The following PRRC2C variants were observed in gnomAD, a reference collection of about 807,000 sequenced individuals.
The protein encoded by PRRC2C is proline rich coiled-coil 2C.
Under a neutral mutation model 317.2 loss-of-function variants are expected in PRRC2C, and 72 were observed. The ratio of observed to expected loss-of-function variants is 0.23; its 90% CI spans 0.19 to 0.28. The LOEUF (loss-of-function observed/expected upper bound fraction) is 0.28. PRRC2C is among the 10% of genes least tolerant of loss of function. The probability of loss-of-function intolerance (pLI) is 1.00; values close to 1 mark genes in which losing one functional copy is unlikely to be tolerated. For synonymous variants in PRRC2C, 1,296 were observed against 1,205.9 expected (o/e 1.07, Z -1.55); for missense variants, 3,074 against 3,459.7 (o/e 0.89, Z 2.80).
chr1:171,489,709 A>C (rs1024240226), intron 1 of PRRC2C, among the ~76,000 whole-genome samples: 1 of 152,216 alleles, frequency 6.6e-6, no homozygotes, highest in Admixed American at 6.5e-5. Flanking sequence ...TAATTTGCTC[A>C]AAGTTACTTA....
At chr1:171,575,848 G>A (rs970771168) in intron 25 of PRRC2C, among the ~76,000 whole-genome samples, 2 of 152,082 alleles carry the variant, frequency 1.3e-5, no homozygotes, top group African/African-American at 4.8e-5. Context: ...AGCTTTCTCA[G>A]TATTATCTGC....
chr1:171,509,106 C>T (rs188286349), intron 1 of PRRC2C, among the ~76,000 whole-genome samples: 13 of 152,110 alleles, frequency 8.5e-5, no homozygotes, highest in African/African-American at 2.2e-4. Context: ...AGGATGGTCT[C>T]GATCTCCTGA....
At chr1:171,542,916 A>G (rs1678232428) in intron 16 of PRRC2C, among the ~76,000 whole-genome samples, 1 of 151,728 alleles carries the variant, frequency 6.6e-6, no homozygotes, top group African/African-American at 2.4e-5. Context: ...GCCCACCACC[A>G]TGCCTGGTTA....
At chr1:171,575,675 G>T (rs1307477479) in intron 25 of PRRC2C, among the ~76,000 whole-genome samples, 2 of 152,002 alleles carry the variant, frequency 1.3e-5, no homozygotes, top group Non-Finnish European at 2.9e-5. Flanking sequence ...ATTTTTACTA[G>T]TGTGTAATCT....
intron 3 of PRRC2C, among the ~76,000 whole-genome samples, chr1:171,514,009 A>G (rs1671857199): frequency 6.6e-6 from 1 of 152,212 alleles, no homozygotes; most frequent in East Asian, 1.9e-4. Flanking sequence ...ATTGAATAAA[A>G]CTGTACACCC....
At chr1:171,502,238 G>C (rs887451356) in intron 1 of PRRC2C, among the ~76,000 whole-genome samples, 7 of 152,342 alleles carry the variant, frequency 4.6e-5, no homozygotes, top group Admixed American at 4.6e-4. Flanking sequence ...AAATTGGTTT[G>C]CTTTTCAGTG....
At chr1:171,530,421 T>C (rs1273262971) in intron 11 of PRRC2C, among the ~76,000 whole-genome samples, 2 of 151,882 alleles carry the variant, frequency 1.3e-5, no homozygotes, top group East Asian at 3.9e-4. Context: ...TTTTTTTGTA[T>C]TTTTTGTAGA....
In PRRC2C at chr1:171,521,479, G is replaced by GT; in HGVS notation, c.751-697dup. On this transcript the variant is annotated intron_variant, in intron 6 of 34. Coordinates refer to ENST00000647382, the MANE Select transcript of PRRC2C (RefSeq NM_001387844.1). ...ACAGTTTATAATGATCATCTGTGCA[G>GT]TAACTTGATTGAGAATTCACCTATG... 3.9e-5 allele frequency among the ~76,000 whole-genome samples: 6 copies of GT among 152,308 alleles called. No homozygotes were observed. In the East Asian group the frequency reaches 1.2e-3, roughly 29 times the overall value.
rs200606626 is a variant in PRRC2C, at chr1:171,510,749, A to T, written c.-57-1283A>T. On this transcript the variant is annotated intron_variant, in intron 1 of 34. Transcript: ENST00000647382. ...TTGTAAACGTATACGTGAAAAGCGAAATGGTTATCTACACTGTTATGTGGG... is the reference window on the plus strand; with the variant it reads ...TTGTAAACGTATACGTGAAAAGCGATATGGTTATCTACACTGTTATGTGGG... 1.2e-4 allele frequency: 19 copies of T among 152,128 alleles called. No homozygotes were observed. In the East Asian group the frequency reaches 2.9e-3, roughly 23 times the overall value. 9.4% of individuals were successfully genotyped at this position (152,128 alleles called of 1,614,324 possible). A position where few individuals can be genotyped will look rare whatever the true frequency, so the allele number is the denominator to read the frequency against.
intron 11 of PRRC2C, among the ~76,000 whole-genome samples, chr1:171,529,885 C>G (rs1389374769): frequency 6.6e-6 from 1 of 152,166 alleles, no homozygotes; most frequent in Non-Finnish European, 1.5e-5. Flanking sequence ...TTCCTGAAAT[C>G]GTTGTTATGA....
At chr1:171,566,504 A>C (rs1683695579) in intron 21 of PRRC2C, 83 bp downstream of exon 21, 8 of 1,478,440 alleles carry the variant, frequency 5.4e-6, no homozygotes, top group Non-Finnish European at 7.2e-6. Flanking sequence ...AGTGAACTTA[A>C]TTTTAATGAA....
chr1:171,539,259 C>T (rs1228419497), intron 15 of PRRC2C, among the ~76,000 whole-genome samples: 2 of 152,206 alleles, frequency 1.3e-5, no homozygotes, highest in Non-Finnish European at 2.9e-5. Context: ...CCTCGGCCTC[C>T]CAAAGTGAGG....
rs960424139 is a variant in PRRC2C, at chr1:171,535,449, G to C, written c.1895G>C (p.Arg632Thr). 2 of 1,613,708 alleles carry C rather than the reference G, an allele frequency of 1.2e-6. No homozygotes were observed. The highest frequency in any genetic ancestry group is 1.7e-6 in the Non-Finnish European group (2 of 1,179,788). ...CNKEEEPVFT[R>T]QDSNRSEKEA... ...GCAGAGGAGGAACCCGTTTTCACTA[G>C]ACAAGACAGCAATCGCAGTGAAAAG... The change falls in exon 13 of 35, where the codon AGA becomes ACA. Residue 632 changes from arginine (R) to threonine (T), a missense_variant. By Grantham distance (71) the Arg-to-Thr change is moderately conservative. Transcript: ENST00000647382.
chr1:171,518,444 T>TA (rs1672800007), intron 6 of PRRC2C, among the ~76,000 whole-genome samples: 1 of 151,912 alleles, frequency 6.6e-6, no homozygotes, highest in Admixed American at 6.6e-5. Context: ...TCAAAGTTTT[T>TA]ATTTGTGTAC....
intron 1 of PRRC2C, among the ~76,000 whole-genome samples, chr1:171,491,831 A>T (rs1174037805): frequency 1.3e-5 from 2 of 152,202 alleles, no homozygotes; most frequent in Non-Finnish European, 2.9e-5. Context: ...ATCTTACCCA[A>T]AAACTTTGTA....
chr1:171,505,027 T>A (rs930438563), intron 1 of PRRC2C, among the ~76,000 whole-genome samples: 145 of 85,150 alleles, frequency 1.7e-3, no homozygotes, highest in African/African-American at 4.5e-3. Context: ...AGTATTTCAA[T>A]TTTTTTTTTT....
At position 171,494,177 on chromosome 1, in the gene PRRC2C, T is replaced by C. The variant is rs202069900; in HGVS notation, c.-58+8442T>C. On this transcript the variant is annotated intron_variant, in intron 1 of 34. Transcript: ENST00000647382. Reference sequence around the variant, plus strand: ...TTAAGTAATCGGTAGACAGAACAGCTGTACTTTTTAAGGACAGCAGTTTTT... The same window carrying C: ...TTAAGTAATCGGTAGACAGAACAGCCGTACTTTTTAAGGACAGCAGTTTTT... Among the ~76,000 whole-genome samples the C allele has an allele frequency of 3.3e-5, 5 of 152,220 alleles. No individual in the cohort carries two copies. The East Asian group carries it at 9.6e-4, about 29-fold the overall frequency.
chr1:171,541,573 A>G lies in PRRC2C; in HGVS notation c.4107A>G (p.Arg1369=), dbSNP rs1395569836. The G allele has an allele frequency of 3.1e-6, 5 of 1,613,840 alleles. No individual in the cohort carries two copies. The highest frequency in any genetic ancestry group is 3.4e-6 in the Non-Finnish European group (4 of 1,179,866). ...CATCACGCCCTTCCACTTTACGAAG[A>G]CCAGCTTATCGGGACAATCAGTGGA... ...GRPSRPSTLR[R]PAYRDNQWNP... Residue 1369 remains arginine, a synonymous_variant, in exon 16 of 35, where the codon AGA becomes AGG. Coordinates refer to ENST00000647382, the MANE Select transcript of PRRC2C (RefSeq NM_001387844.1). The surrounding 1 kb of genome is among the most constrained non-coding windows in gnomAD (Gnocchi z 4.1).
At chr1:171,582,923 CTT>C (rs1449768191) in intron 28 of PRRC2C, among the ~76,000 whole-genome samples, 2 of 151,054 alleles carry the variant, frequency 1.3e-5, no homozygotes, top group Admixed American at 6.6e-5. Context: ...TTTTTTGACT[CTT>C]ATAATAACAT....
Sources: gnomAD v4.1 joint callset for allele counts (sites outside exome capture counted in the v4.1 genomes callset) on GRCh38, gnomAD v4.1.1 for gene constraint, Gnocchi (gnomAD v3.1) non-coding constraint, MANE v1.5 for transcripts, NCBI Gene and HGNC (gene_info 2026-07-23, HGNC 2026-07-21) for gene names.